PKHD1: variants seen among roughly 807,000 people sequenced by gnomAD.
PKHD1 encodes fibrocystin.
In PKHD1, 291 loss-of-function variants were observed where a neutral mutation model predicts 412.0. The ratio of observed to expected loss-of-function variants is 0.71; its 90% confidence interval spans 0.64 to 0.78. The LOEUF is 0.78. PKHD1 is among the 30% of genes least tolerant of loss of function. PKHD1 has a pLI of 0.00. For missense variants in PKHD1, 4,825 were observed against 4,950.7 expected, an observed-to-expected ratio of 0.97 and a Z score of 0.76; for synonymous variants, 1,777 against 1,821.5, an observed-to-expected ratio of 0.98 and a Z score of 0.62.
intron 60 of PKHD1, among the ~76,000 whole-genome samples, chr6:51,729,859 T>G (rs1783040608): frequency 6.6e-6 from 1 of 152,162 alleles, no homozygotes; most frequent in South Asian, 2.1e-4. Context: ...GTACATAATA[T>G]TAATATCTCC....
intron 53 of PKHD1, among the ~76,000 whole-genome samples, chr6:51,790,224 G>T (rs940125512): frequency 6.6e-6 from 1 of 152,088 alleles, no homozygotes; most frequent in Non-Finnish European, 1.5e-5. Context: ...CTTCTTCCTG[G>T]GGCAAAGTAA....
intron 36 of PKHD1, among the ~76,000 whole-genome samples, chr6:51,950,220 A>AAAAAAAT: frequency 6.1e-4 from 60 of 98,298 alleles, no homozygotes; most frequent in Admixed American, 1.2e-3. Flanking sequence ...GAAAAAAAAA[A>AAAAAAAT]ATATATATAT....
chr6:51,703,212 G>A (rs909846417), intron 60 of PKHD1, among the ~76,000 whole-genome samples: 1 of 151,786 alleles, frequency 6.6e-6, no homozygotes, highest in African/African-American at 2.4e-5. Flanking sequence ...AAAAACGCTG[G>A]GCCTTCAGAG....
intron 40 of PKHD1, among the ~76,000 whole-genome samples, chr6:51,908,443 G>T (rs761994967): frequency 4.6e-5 from 7 of 152,098 alleles, no homozygotes; most frequent in Non-Finnish European, 7.4e-5. Flanking sequence ...GGCAAAGCTT[G>T]AATGTGTGGG....
At chr6:51,680,150 G>A (rs186278076) in intron 60 of PKHD1, among the ~76,000 whole-genome samples, 7 of 151,982 alleles carry the variant, frequency 4.6e-5, no homozygotes, top group African/African-American at 1.7e-4. Flanking sequence ...TTATTATTAT[G>A]CCAAACAGAG....
At chr6:51,871,248 A>G (rs1333089883) in intron 46 of PKHD1, among the ~76,000 whole-genome samples, 1 of 152,246 alleles carries the variant, frequency 6.6e-6, no homozygotes, top group Non-Finnish European at 1.5e-5. Context: ...AGTTCCATTT[A>G]TAATCACCAA....
intron 60 of PKHD1, among the ~76,000 whole-genome samples, chr6:51,737,358 T>A (rs1279504223): frequency 6.6e-6 from 1 of 152,228 alleles, no homozygotes; most frequent in East Asian, 1.9e-4. Flanking sequence ...TGATATATTA[T>A]GAAAGTGACA....
At chr6:51,946,047 C>T (rs560737597) in intron 36 of PKHD1, among the ~76,000 whole-genome samples, 7 of 152,252 alleles carry the variant, frequency 4.6e-5, no homozygotes, top group South Asian at 2.1e-4. Context: ...AAACAGATTA[C>T]AAGGATTAGT....
In PKHD1 at chr6:51,802,544, C is replaced by A. The variant is rs557566613; in HGVS notation, c.8303-11171G>T. 5.7e-4 allele frequency among the ~76,000 whole-genome samples: 86 copies of A among 151,672 alleles called. 6 individuals are homozygous for A. Among genetic ancestry groups the A allele is most frequent in the African/African-American group, 2.0e-3 (81 of 41,010 alleles). ...TGTTACAGTTGGTGTTAAAGCCAAA[C>A]TAAGCGCCAAACTTATTTTCCTATG... On this transcript the variant is annotated intron_variant, in intron 52 of 66. Transcript: ENST00000371117.
chr6:51,942,533 C>A (rs1788754966), intron 36 of PKHD1, among the ~76,000 whole-genome samples: 1 of 151,526 alleles, frequency 6.6e-6, no homozygotes, highest in African/African-American at 2.4e-5. Flanking sequence ...GAGTCTCCCG[C>A]AATTACCACT....
chr6:51,769,874 T>A (rs930765351), intron 55 of PKHD1, among the ~76,000 whole-genome samples: 1 of 151,672 alleles, frequency 6.6e-6, no homozygotes, highest in African/African-American at 2.4e-5. Flanking sequence ...TGGTAAAGTT[T>A]TGATATTTTC....
intron 55 of PKHD1, among the ~76,000 whole-genome samples, chr6:51,760,232 T>G (rs1350468606): frequency 6.6e-6 from 1 of 152,120 alleles, no homozygotes; most frequent in Non-Finnish European, 1.5e-5. Context: ...AGAAGCTCAA[T>G]AAGTTCTGAT....
At position 51,962,805 on chromosome 6, in the gene PKHD1, A is replaced by G. The variant is rs373647918; in HGVS notation, c.5752-2779T>C. Among the ~76,000 whole-genome samples, 10 of 152,104 alleles carry G rather than the reference A, an allele frequency of 6.6e-5. No homozygotes were observed. The East Asian group carries it at 1.4e-3, about 21-fold the overall frequency. On this transcript the variant is annotated intron_variant, in intron 35 of 66. Coordinates refer to ENST00000371117, the MANE Select transcript of PKHD1 (RefSeq NM_138694.4). ...CCTTACCTGTATTATTATTTTTAAA[A>G]AGCACCCCCAATCATTCCTTCATTC...
At chr6:51,666,540 T>G (rs188411906) in intron 60 of PKHD1, among the ~76,000 whole-genome samples, 78 of 150,448 alleles carry the variant, frequency 5.2e-4, no homozygotes, top group African/African-American at 2.0e-3. Flanking sequence ...CAAATGTTTA[T>G]AATTTTTTTT....
intron 37 of PKHD1, among the ~76,000 whole-genome samples, chr6:51,926,595 A>T (rs984160631): frequency 5.9e-5 from 9 of 152,164 alleles, no homozygotes; most frequent in Non-Finnish European, 1.2e-4. Flanking sequence ...ATTTACATGC[A>T]AACACCTGAA....
chr6:52,003,537 T>C (rs1004094092), intron 35 of PKHD1, among the ~76,000 whole-genome samples: 2 of 152,208 alleles, frequency 1.3e-5, no homozygotes, highest in Admixed American at 6.5e-5. Flanking sequence ...CCCCCCAAAA[T>C]CTGGTTTTTC....
chr6:51,710,793 A>G (rs1780563632), intron 60 of PKHD1, among the ~76,000 whole-genome samples: 2 of 152,210 alleles, frequency 1.3e-5, no homozygotes, highest in African/African-American at 2.4e-5. Flanking sequence ...GGTAAGCGCC[A>G]TCTATAAAAA....
intron 29 of PKHD1, among the ~76,000 whole-genome samples, chr6:52,032,788 T>G (rs954935685): frequency 1.3e-5 from 2 of 152,228 alleles, no homozygotes; most frequent in Non-Finnish European, 2.9e-5. Context: ...TTGTAACTTT[T>G]GAATTCCCAC....
At chr6:51,783,222 C>T (rs1792306688) in intron 53 of PKHD1, among the ~76,000 whole-genome samples, 1 of 152,058 alleles carries the variant, frequency 6.6e-6, no homozygotes, top group South Asian at 2.1e-4. Context: ...AAACAATGAA[C>T]TGCTGTGTCC....
Sources: allele counts gnomAD v4.1 joint callset (sites outside exome capture counted in the v4.1 genomes callset), GRCh38; gene constraint gnomAD v4.1.1; transcripts MANE v1.5; gene names NCBI Gene and HGNC (gene_info 2026-07-23, HGNC 2026-07-21).